Variants in CORIN observed in about 807,000 individuals in gnomAD.
The protein encoded by CORIN is corin, serine peptidase.
In CORIN, 117 loss-of-function variants were observed where a neutral mutation model predicts 125.3. The observed-to-expected ratio is 0.93, with a 90% confidence interval of 0.80 to 1.09. The LOEUF (loss-of-function observed/expected upper bound fraction) is 1.09. CORIN is among the 50% of genes least tolerant of loss of function. The probability of loss-of-function intolerance (pLI) is 0.00; values close to 1 mark genes in which losing one functional copy is unlikely to be tolerated. For missense variants in CORIN, 1,253 were observed against 1,306.7 expected (o/e 0.96, Z 0.63); for synonymous variants, 450 against 466.4 (o/e 0.96, Z 0.45).
intron 1 of CORIN, among the ~76,000 whole-genome samples, chr4:47,821,159 C>T (rs768425199): frequency 7.9e-5 from 12 of 151,838 alleles, no homozygotes; most frequent in African/African-American, 2.2e-4. Context: ...CGCTTGAACC[C>T]GGGAGGCAGA....
chr4:47,770,960 C>T (rs1247472475), intron 3 of CORIN, among the ~76,000 whole-genome samples: 1 of 152,080 alleles, frequency 6.6e-6, no homozygotes, highest in African/African-American at 2.4e-5. Context: ...ACCTATTGTA[C>T]AGCATGGTGA....
At chr4:47,620,882 A>G (rs1342528513) in intron 19 of CORIN, among the ~76,000 whole-genome samples, 2 of 152,212 alleles carry the variant, frequency 1.3e-5, no homozygotes, top group Non-Finnish European at 2.9e-5. Flanking sequence ...TGGTCACACA[A>G]TAATTGGCTA....
intron 2 of CORIN, among the ~76,000 whole-genome samples, chr4:47,792,400 A>G (rs1453471425): frequency 1.3e-5 from 2 of 152,226 alleles, no homozygotes; most frequent in African/African-American, 4.8e-5. Context: ...TTAAAAGTTT[A>G]GAGGGTAGTT....
chr4:47,822,369 A>T (rs1437303254), intron 1 of CORIN, among the ~76,000 whole-genome samples: 2 of 152,202 alleles, frequency 1.3e-5, no homozygotes, highest in Admixed American at 1.3e-4. Context: ...AACACAACAC[A>T]GCCATTAAAA....
intron 4 of CORIN, among the ~76,000 whole-genome samples, 164 bp from the exon 5 acceptor site, chr4:47,744,747 T>C (rs61762930): frequency 3.2e-3 from 483 of 152,378 alleles, no homozygotes; most frequent in Non-Finnish European, 5.4e-3. Context: ...ACAGTGATTT[T>C]AGCTATTCTA....
At chr4:47,660,665 G>A (rs1285033933) in intron 12 of CORIN, among the ~76,000 whole-genome samples, 1 of 152,100 alleles carries the variant, frequency 6.6e-6, no homozygotes, top group African/African-American at 2.4e-5. Context: ...ATATCCAAAA[G>A]ACAGACAATA....
chr4:47,649,729 T>C (rs572072515), intron 13 of CORIN, among the ~76,000 whole-genome samples: 9 of 152,328 alleles, frequency 5.9e-5, no homozygotes, highest in Non-Finnish European at 8.8e-5. Context: ...CAGAAGACGA[T>C]GAAACAGTTA....
At chr4:47,693,840 T>C (rs1725872779) in intron 5 of CORIN, among the ~76,000 whole-genome samples, 1 of 152,194 alleles carries the variant, frequency 6.6e-6, no homozygotes, top group Non-Finnish European at 1.5e-5. Context: ...TACAAAATTT[T>C]TCAGGAAGAC....
intron 13 of CORIN, among the ~76,000 whole-genome samples, chr4:47,645,589 G>A (rs1005812084): frequency 6.6e-6 from 1 of 151,148 alleles, no homozygotes; most frequent in Non-Finnish European, 1.5e-5. Flanking sequence ...CCTAACAGAA[G>A]ATCAAAGGTG....
In CORIN at chr4:47,773,701, T is replaced by C. The variant is rs576829469; in HGVS notation, c.410-10115A>G. On this transcript the variant is annotated intron_variant, in intron 3 of 21. Transcript: ENST00000273857. ...AAAGGAAACATTTAAAATGAACTTCTAGTCTCCTTAAAATACACATAAAAC... is the reference window on the plus strand; with the variant it reads ...AAAGGAAACATTTAAAATGAACTTCCAGTCTCCTTAAAATACACATAAAAC... Among the ~76,000 whole-genome samples the C allele has an allele frequency of 1.3e-4, 20 of 152,208 alleles. No individual in the cohort carries two copies. The South Asian group carries it at 4.1e-3, about 32-fold the overall frequency.
intron 8 of CORIN, among the ~76,000 whole-genome samples, chr4:47,678,865 T>A (rs1449752925): frequency 3.3e-5 from 5 of 152,186 alleles, no homozygotes; most frequent in African/African-American, 9.7e-5. Flanking sequence ...CAAGATCTAG[T>A]GAGATACAGT....
At chr4:47,736,722 C>T (rs893575368) in intron 5 of CORIN, among the ~76,000 whole-genome samples, 4 of 152,136 alleles carry the variant, frequency 2.6e-5, no homozygotes, top group East Asian at 1.9e-4. Context: ...GAGAACATGC[C>T]CTAAGAGTCT....
At chr4:47,704,890 A>G (rs1049939081) in intron 5 of CORIN, among the ~76,000 whole-genome samples, 10 of 152,144 alleles carry the variant, frequency 6.6e-5, no homozygotes, top group African/African-American at 1.2e-4. Context: ...TTCCCAAGCC[A>G]TATCACACGA....
At chr4:47,759,039 A>C (rs1729326322) in intron 4 of CORIN, among the ~76,000 whole-genome samples, 1 of 152,216 alleles carries the variant, frequency 6.6e-6, no homozygotes, top group Admixed American at 6.5e-5. Context: ...AAGATCCAAT[A>C]AATAAATCCA....
chr4:47,683,460 A>T (rs1268217703), intron 7 of CORIN: 1 of 286,598 alleles, frequency 3.5e-6, no homozygotes, highest in South Asian at 4.7e-5. Flanking sequence ...TGAGGAGAGG[A>T]AAAAAAACTA....
At chr4:47,661,940 T>G in intron 11 of CORIN, 84 bp from the exon 12 acceptor site, 1 of 1,348,520 alleles carries the variant, frequency 7.4e-7, no homozygotes, top group Non-Finnish European at 1.0e-6. Flanking sequence ...CAAGTTTTAA[T>G]TCTGTGTATG....
rs184762080 is a variant in CORIN, at chr4:47,626,614, A to C, written c.2199-93T>G. ...TTAGCACTCATTCCCTTTCAAAAAGAAGCACTAAATCATGTCAACATTTCA... is the reference window on the plus strand; with the variant it reads ...TTAGCACTCATTCCCTTTCAAAAAGCAGCACTAAATCATGTCAACATTTCA... On this transcript the variant is annotated intron_variant, in intron 16 of 21. Transcript: ENST00000273857. 3.5e-5 allele frequency: 29 copies of C among 831,422 alleles called. 1 individual carries two copies. In the Middle Eastern group the frequency reaches 8.7e-4, roughly 25 times the overall value. 51.5% of individuals were successfully genotyped at this position (831,422 alleles called of 1,614,324 possible). A position where few individuals can be genotyped will look rare whatever the true frequency, so the allele number is the denominator to read the frequency against.
At chr4:47,765,973 A>G (rs917916856) in intron 3 of CORIN, among the ~76,000 whole-genome samples, 1 of 152,242 alleles carries the variant, frequency 6.6e-6, no homozygotes, top group Non-Finnish European at 1.5e-5. Flanking sequence ...TAACAACTAT[A>G]TAATCATTTA....
intron 7 of CORIN, 198 bp downstream of exon 7, chr4:47,683,533 A>T (rs12509695): frequency 0.31 from 139,001 of 448,742 alleles, 23,448 homozygotes; most frequent in Admixed American, 0.35. Flanking sequence ...TCTTAATATG[A>T]TTTTTTAGGT....
Sources: allele counts gnomAD v4.1 joint callset (sites outside exome capture counted in the v4.1 genomes callset), GRCh38; gene constraint gnomAD v4.1.1; transcripts MANE v1.5; gene names NCBI Gene and HGNC (gene_info 2026-07-23, HGNC 2026-07-21).